TAFA5: variants seen among roughly 807,000 people sequenced by gnomAD.
The protein encoded by TAFA5 is TAFA chemokine like family member 5.
In TAFA5, 6 loss-of-function variants were observed where a neutral mutation model predicts 15.3. The observed-to-expected ratio is 0.39, with a 90% CI of 0.21 to 0.77. The LOEUF (loss-of-function observed/expected upper bound fraction) is 0.77, where lower values mean the gene tolerates loss of function less well. TAFA5 is among the 30% of genes least tolerant of loss of function. The probability of loss-of-function intolerance (pLI) is 0.41; values close to 1 mark genes in which losing one functional copy is unlikely to be tolerated. For missense variants in TAFA5, 161 were observed against 193.1 expected (o/e 0.83, Z 0.98); for synonymous variants, 103 against 80.7 (o/e 1.28, Z -1.48).
intron 1 of TAFA5, among the ~76,000 whole-genome samples, chr22:48,505,203 CA>C (rs1601838048): frequency 6.6e-6 from 1 of 152,328 alleles, no homozygotes. Flanking sequence ...ATGAAACTCT[CA>C]CGACTCCATC....
intron 1 of TAFA5, among the ~76,000 whole-genome samples, chr22:48,610,250 C>G (rs1055636602): frequency 3.3e-5 from 5 of 152,036 alleles, no homozygotes; most frequent in Non-Finnish European, 7.4e-5. Context: ...GAGGACAGGC[C>G]GGAGGCTGCA....
At chr22:48,733,702 C>T (rs1929930331) in intron 3 of TAFA5, among the ~76,000 whole-genome samples, 1 of 152,120 alleles carries the variant, frequency 6.6e-6, no homozygotes, top group Admixed American at 6.5e-5. Context: ...CAGACCCAGT[C>T]TGTGGTGTAG....
intron 2 of TAFA5, among the ~76,000 whole-genome samples, chr22:48,650,658 T>C (rs1383985914): frequency 1.3e-5 from 2 of 152,068 alleles, no homozygotes. Flanking sequence ...GTGAACCATG[T>C]CCCTGCCTGT....
intron 1 of TAFA5, among the ~76,000 whole-genome samples, chr22:48,614,290 C>A (rs1223785700): frequency 3.9e-5 from 6 of 152,200 alleles, no homozygotes; most frequent in African/African-American, 1.4e-4. Context: ...CCCATCTGCC[C>A]CCCACAACTG....
intron 1 of TAFA5, among the ~76,000 whole-genome samples, chr22:48,622,694 C>G (rs1193736121): frequency 6.6e-6 from 1 of 152,228 alleles, no homozygotes; most frequent in Admixed American, 6.5e-5. Context: ...GAGAATGGCG[C>G]AGCTGTAGGA....
chr22:48,577,055 C>A (rs1207167936), intron 1 of TAFA5, among the ~76,000 whole-genome samples: 1 of 152,200 alleles, frequency 6.6e-6, no homozygotes, highest in Non-Finnish European at 1.5e-5. Flanking sequence ...CGCACCTGTT[C>A]CCCAGGGCCC....
intron 2 of TAFA5, among the ~76,000 whole-genome samples, chr22:48,660,510 C>A (rs1382945153): frequency 1.3e-5 from 2 of 152,320 alleles, no homozygotes; most frequent in East Asian, 3.9e-4. Flanking sequence ...ACAGAATTTT[C>A]CCCTAGAGAC....
chr22:48,533,399 C>T (rs1291497350), intron 1 of TAFA5, among the ~76,000 whole-genome samples: 9 of 152,198 alleles, frequency 5.9e-5, no homozygotes, highest in Admixed American at 4.6e-4. Context: ...AGGGGTGGCA[C>T]AGGGTGAGGA....
intron 3 of TAFA5, among the ~76,000 whole-genome samples, chr22:48,717,581 G>A (rs1454819477): frequency 2.0e-5 from 3 of 152,236 alleles, no homozygotes; most frequent in East Asian, 1.9e-4. Flanking sequence ...AGGCTCCAGC[G>A]TGGGAACGTT....
intron 3 of TAFA5, among the ~76,000 whole-genome samples, chr22:48,720,139 C>T (rs552791301): frequency 1.2e-4 from 18 of 152,268 alleles, no homozygotes; most frequent in Admixed American, 1.0e-3. Flanking sequence ...GGGTCTGTCG[C>T]GAAACCCAGT....
chr22:48,538,616 T>C (rs1922252301), intron 1 of TAFA5, among the ~76,000 whole-genome samples: 1 of 152,222 alleles, frequency 6.6e-6, no homozygotes, highest in African/African-American at 2.4e-5. Flanking sequence ...TCTGCCGTGC[T>C]CTCTGCTCCG....
intron 2 of TAFA5, among the ~76,000 whole-genome samples, chr22:48,703,660 G>A (rs949690713): frequency 1.3e-5 from 2 of 152,238 alleles, no homozygotes; most frequent in Non-Finnish European, 1.5e-5. Flanking sequence ...TCCTTCTCCC[G>A]GGATTTCCCA....
At chr22:48,610,819 C>T (rs556894959) in intron 1 of TAFA5, among the ~76,000 whole-genome samples, 30 of 152,322 alleles carry the variant, frequency 2.0e-4, no homozygotes, top group Admixed American at 4.6e-4. Flanking sequence ...TGCTGCAGCC[C>T]CTTCCCTTCG....
At chr22:48,535,372 GC>G (rs1316627080) in intron 1 of TAFA5, among the ~76,000 whole-genome samples, 4 of 152,238 alleles carry the variant, frequency 2.6e-5, no homozygotes, top group Non-Finnish European at 4.4e-5. Context: ...GGATGTGATG[GC>G]CTTAGAAGAA....
At chr22:48,718,965 C>T (rs1929486987) in intron 3 of TAFA5, among the ~76,000 whole-genome samples, 1 of 152,230 alleles carries the variant, frequency 6.6e-6, no homozygotes, top group African/African-American at 2.4e-5. Flanking sequence ...CTGTCTGTCC[C>T]CATGTCCTCC....
chr22:48,516,444 C>G (rs1387529913), intron 1 of TAFA5, among the ~76,000 whole-genome samples: 2 of 152,134 alleles, frequency 1.3e-5, no homozygotes, highest in Non-Finnish European at 2.9e-5. Context: ...GTGCAGACAT[C>G]ATCACCATCG....
At chr22:48,609,270 G>A (rs970987247) in intron 1 of TAFA5, among the ~76,000 whole-genome samples, 9 of 152,342 alleles carry the variant, frequency 5.9e-5, no homozygotes, top group Non-Finnish European at 1.2e-4. Context: ...TCAAAGACAC[G>A]TTGGGGCAAC....
At position 48,736,491 on chromosome 22, in the gene TAFA5, C is replaced by CGCACTCCTAGGGTCCT. The variant is rs1254686880; in HGVS notation, c.391-13348_391-13347insGCACTCCTAGGGTCCT. The stretch of plus-strand genomic sequence containing the variant: ...TGAGAACCGCACTCCTAGGGTCCAT[C>CGCACTCCTAGGGTCCT]CCCCCAGGAGGAATGAGAACATGTC... On this transcript the variant is annotated intron_variant, in intron 3 of 3. Transcript: ENST00000402357. Among the ~76,000 whole-genome samples the CGCACTCCTAGGGTCCT allele has an allele frequency of 2.5e-3, 41 of 16,338 alleles. 18 individuals are homozygous for CGCACTCCTAGGGTCCT. The highest frequency in any genetic ancestry group is 0.018 in the African/African-American group (41 of 2,256). 10.7% of individuals were successfully genotyped at this position (16,338 alleles called of 152,430 possible).
At chr22:48,502,639 A>G (rs1920959227) in intron 1 of TAFA5, among the ~76,000 whole-genome samples, 1 of 150,252 alleles carries the variant, frequency 6.7e-6, no homozygotes, top group Non-Finnish European at 1.5e-5. Context: ...CTCCTGCCTC[A>G]GCCTCCCGAG....
Sources: allele counts gnomAD v4.1 joint callset (sites outside exome capture counted in the v4.1 genomes callset), GRCh38; gene constraint gnomAD v4.1.1; transcripts MANE v1.5; gene names NCBI Gene and HGNC (gene_info 2026-07-23, HGNC 2026-07-21).